FREM1: variants seen among roughly 807,000 people sequenced by gnomAD.
FREM1 encodes the protein FRAS1 related extracellular matrix 1, also known as FRAS1-related extracellular matrix protein 1.
In FREM1, 220 loss-of-function variants were observed where a neutral mutation model predicts 210.1. That is an observed-to-expected ratio of 1.05 (90% CI 0.94 to 1.17). FREM1 has a LOEUF of 1.17. FREM1 is among the 50% of genes most tolerant of loss of function. The pLI is 0.00. For missense variants in FREM1, 3,454 were observed against 2,675.5 expected (o/e 1.29, Z -6.42); for synonymous variants, 1,189 against 980.2 (o/e 1.21, Z -3.98).
intron 10 of FREM1, among the ~76,000 whole-genome samples, chr9:14,832,844 T>A (rs1823826859): frequency 6.6e-6 from 1 of 152,184 alleles, no homozygotes; most frequent in South Asian, 2.1e-4. Flanking sequence ...GTAAGGTTGG[T>A]CTTAAGCTGT....
At chr9:14,747,863 C>A in intron 31 of FREM1, 135 bp from the exon 32 acceptor site, 1 of 512,122 alleles carries the variant, frequency 2.0e-6, no homozygotes, top group Non-Finnish European at 3.4e-6. Context: ...TTTCCCACGC[C>A]CAAATCATTG....
rs550385462 is a variant in FREM1, at chr9:14,861,154, T to G, written c.330-1670A>C. Among the ~76,000 whole-genome samples, 391 of 106,590 alleles carry G rather than the reference T, an allele frequency of 3.7e-3. 15 individuals carry two copies. Among genetic ancestry groups the G allele is most frequent in the African/African-American group, 0.016 (366 of 23,476 alleles). The allele number at this position is 106,590 out of a possible 152,430, so 69.9% of individuals were successfully genotyped here. On this transcript the variant is annotated intron_variant, in intron 3 of 36. Coordinates refer to ENST00000380880, the MANE Select transcript of FREM1 (RefSeq NM_001379081.2). ...ACATATATACATATATACACATATA[T>G]ACGTATATACACATGTATGTACATA... is the stretch of plus-strand genomic sequence containing the variant.
At chr9:14,809,188 T>A (rs887311206) in intron 16 of FREM1, among the ~76,000 whole-genome samples, 1 of 152,164 alleles carries the variant, frequency 6.6e-6, no homozygotes, top group African/African-American at 2.4e-5. Flanking sequence ...CTTGCTGCCA[T>A]CCATGTAAGA....
chr9:14,875,828 G>C (rs1270341792), intron 1 of FREM1, among the ~76,000 whole-genome samples: 1 of 152,136 alleles, frequency 6.6e-6, no homozygotes, highest in Non-Finnish European at 1.5e-5. Flanking sequence ...GGTCTTTGAT[G>C]ATGGTGATTT....
chr9:14,752,404 A>G (rs991460311), intron 29 of FREM1, among the ~76,000 whole-genome samples: 1 of 151,246 alleles, frequency 6.6e-6, no homozygotes, highest in African/African-American at 2.5e-5. Context: ...GAGAGGTTAC[A>G]TGGGTGGACA....
chr9:14,760,862 T>C (rs1326719365), intron 27 of FREM1, among the ~76,000 whole-genome samples: 2 of 151,932 alleles, frequency 1.3e-5, no homozygotes, highest in Non-Finnish European at 2.9e-5. Flanking sequence ...TTGCCTTTTT[T>C]TTGCCATCTG....
chr9:14,824,708 G>C, intron 11 of FREM1, 88 bp downstream of exon 11: 1 of 895,670 alleles, frequency 1.1e-6, no homozygotes, highest in Non-Finnish European at 1.8e-6. Flanking sequence ...GTAAACCACA[G>C]TACTATATAT....
In FREM1 at chr9:14,842,659, C is replaced by T. The variant is rs1825890284; in HGVS notation, c.1395G>A (p.Gly465=). 6.2e-7 allele frequency: 1 copy of T among 1,611,018 alleles called. No homozygotes were observed. The highest frequency in any genetic ancestry group is 8.5e-7 in the Non-Finnish European group (1 of 1,178,054). ...CCACGGTGAAGAGAAACCCTTTCCC[C>T]CCTGAGGGAGAGAGCAGAGATGGAG... ...GLQHGWLTLR[G]GKGFLFTVAD... Residue 465 remains glycine, a splice_region_variant and synonymous_variant, in exon 9 of 37, where the codon GGG becomes GGA. Transcript: ENST00000380880.
At chr9:14,778,039 A>G (rs1366154587) in intron 24 of FREM1, among the ~76,000 whole-genome samples, 1 of 152,214 alleles carries the variant, frequency 6.6e-6, no homozygotes, top group African/African-American at 2.4e-5. Context: ...TTGCTAAGTG[A>G]AATACAACAA....
At chr9:14,756,583 T>C in intron 28 of FREM1, 137 bp from the exon 29 acceptor site, 1 of 580,870 alleles carries the variant, frequency 1.7e-6, no homozygotes. Context: ...TTAAAAAAAT[T>C]ATATAAGCCA....
At chr9:14,901,809 T>G (rs562099453) in intron 1 of FREM1, among the ~76,000 whole-genome samples, 33 of 152,228 alleles carry the variant, frequency 2.2e-4, no homozygotes, top group Non-Finnish European at 3.4e-4. Context: ...CATCTTACAG[T>G]GGGGATTCAT....
chr9:14,858,537 C>T (rs1403630751), intron 4 of FREM1, among the ~76,000 whole-genome samples: 1 of 148,806 alleles, frequency 6.7e-6, no homozygotes, highest in Non-Finnish European at 1.5e-5. Context: ...TCTCATTTCT[C>T]AGACGTACAA....
At chr9:14,829,793 A>G (rs1416675989) in intron 10 of FREM1, among the ~76,000 whole-genome samples, 1 of 152,222 alleles carries the variant, frequency 6.6e-6, no homozygotes, top group Non-Finnish European at 1.5e-5. Flanking sequence ...CTTGCTTTTG[A>G]AAAACATTTC....
chr9:14,799,203 T>G (rs940912417), intron 20 of FREM1, among the ~76,000 whole-genome samples: 18 of 151,878 alleles, frequency 1.2e-4, no homozygotes, highest in African/African-American at 4.1e-4. Context: ...AGAGGATCAC[T>G]TGAGCCCTGG....
chr9:14,813,935 C>T (rs1341242631), intron 15 of FREM1, among the ~76,000 whole-genome samples: 1 of 152,182 alleles, frequency 6.6e-6, no homozygotes, highest in Non-Finnish European at 1.5e-5. Context: ...CGGAGACCTT[C>T]AGTGGCTTCC....
intron 16 of FREM1, among the ~76,000 whole-genome samples, chr9:14,808,495 G>C (rs1409641545): frequency 6.6e-6 from 1 of 152,154 alleles, no homozygotes; most frequent in Non-Finnish European, 1.5e-5. Context: ...CAACCTCAGG[G>C]AGAGGGAGAA....
chr9:14,768,641 G>C (rs1252105365), intron 27 of FREM1, among the ~76,000 whole-genome samples: 1 of 152,054 alleles, frequency 6.6e-6, no homozygotes, highest in African/African-American at 2.4e-5. Context: ...CAACGGAGTG[G>C]GACGCTGGGA....
chr9:14,886,911 A>G (rs1419789693), intron 1 of FREM1, among the ~76,000 whole-genome samples: 2 of 151,260 alleles, frequency 1.3e-5, no homozygotes, highest in African/African-American at 2.4e-5. Flanking sequence ...AAAAAAAAAA[A>G]AAAAAAAAGA....
intron 29 of FREM1, among the ~76,000 whole-genome samples, chr9:14,755,152 A>G (rs1454184094): frequency 6.6e-6 from 1 of 152,168 alleles, no homozygotes; most frequent in Non-Finnish European, 1.5e-5. Flanking sequence ...TCCAGAACTG[A>G]GACACTCGAT....
Sources: allele counts gnomAD v4.1 joint callset (sites outside exome capture counted in the v4.1 genomes callset), GRCh38; gene constraint gnomAD v4.1.1; transcripts MANE v1.5; gene names NCBI Gene and HGNC (gene_info 2026-07-23, HGNC 2026-07-21).